Variants in ATXN1 observed in about 807,000 individuals in gnomAD.
ATXN1 encodes the protein ataxin-1.
A neutral mutation model predicts 56.4 loss-of-function variants in ATXN1; 8 were observed. The ratio of observed to expected loss-of-function variants is 0.14; its 90% CI spans 0.08 to 0.26. The LOEUF (loss-of-function observed/expected upper bound fraction) is 0.26, where lower values mean the gene tolerates loss of function less well. Among genes scored for constraint, ATXN1 ranks in the 10% least tolerant of loss-of-function variants. ATXN1 has a pLI of 1.00. For synonymous variants in ATXN1, 514 were observed against 494.6 expected (o/e 1.04, Z -0.52); for missense variants, 987 against 1,106.5 (o/e 0.89, Z 1.53).
At chr6:16,445,722 G>A (rs559427490) in intron 6 of ATXN1, among the ~76,000 whole-genome samples, 23 of 128,368 alleles carry the variant, frequency 1.8e-4, no homozygotes, top group African/African-American at 6.4e-4. Context: ...CCCTTCCTGT[G>A]TCCATGTGTT....
intron 6 of ATXN1, among the ~76,000 whole-genome samples, chr6:16,451,024 A>G (rs968688530): frequency 6.6e-6 from 1 of 152,224 alleles, no homozygotes; most frequent in Non-Finnish European, 1.5e-5. Context: ...TTCCTTGAGA[A>G]TTACTAATCA....
intron 6 of ATXN1, chr6:16,432,519 T>G (rs1006561616): frequency 3.9e-5 from 6 of 152,256 alleles, no homozygotes; most frequent in African/African-American, 1.4e-4. Context: ...AACTATATAA[T>G]TTAAAAGCAT....
intron 2 of ATXN1, among the ~76,000 whole-genome samples, chr6:16,726,083 A>G (rs572806470): frequency 2.6e-4 from 39 of 152,282 alleles, no homozygotes; most frequent in Non-Finnish European, 4.4e-4. Flanking sequence ...TGTGAACTGT[A>G]AGAGGGAGGG....
At chr6:16,473,538 A>C (rs1329995612) in intron 6 of ATXN1, among the ~76,000 whole-genome samples, 1 of 152,162 alleles carries the variant, frequency 6.6e-6, no homozygotes, top group Non-Finnish European at 1.5e-5. Flanking sequence ...AAAGGGAAAA[A>C]CATGTTGGAA....
chr6:16,728,535 C>T (rs749993062), intron 2 of ATXN1, among the ~76,000 whole-genome samples: 10 of 152,324 alleles, frequency 6.6e-5, no homozygotes, highest in South Asian at 4.1e-4. Flanking sequence ...CTCCACTACA[C>T]GCCATCACCC....
In ATXN1 at chr6:16,302,549, C is replaced by T. The variant is rs888008321; in HGVS notation, c.*3780G>A. 5.2e-5 allele frequency: 8 copies of T among 152,536 alleles called. No individual in the cohort carries two copies. Among genetic ancestry groups the T allele is most frequent in the African/African-American group, 1.9e-4 (8 of 41,414 alleles). The allele number at this position is 152,536 out of a possible 1,614,324, so 9.4% of individuals were successfully genotyped here. On this transcript the variant is annotated 3_prime_UTR_variant, in exon 8 of 8. Coordinates refer to ENST00000436367, the MANE Select transcript of ATXN1 (RefSeq NM_001128164.2). ...TGTATCCCTCCCTCCCCCCTCTGCC[C>T]CAGTGTGGCCCAGACAAACTGAAAT...
intron 5 of ATXN1, among the ~76,000 whole-genome samples, chr6:16,492,813 C>T (rs1760695708): frequency 6.6e-6 from 1 of 152,058 alleles, no homozygotes; most frequent in South Asian, 2.1e-4. Context: ...GTATCCTGGT[C>T]CCTGGTATCT....
intron 6 of ATXN1, among the ~76,000 whole-genome samples, chr6:16,343,426 C>T (rs1422227875): frequency 5.9e-5 from 9 of 152,122 alleles, no homozygotes; most frequent in Admixed American, 4.6e-4. Flanking sequence ...CACAGCGCCC[C>T]GCTCCCTCAT....
chr6:16,646,303 C>T (rs1169512154), intron 3 of ATXN1, among the ~76,000 whole-genome samples: 1 of 152,134 alleles, frequency 6.6e-6, no homozygotes, highest in Admixed American at 6.5e-5. Flanking sequence ...TGATCATGAC[C>T]CTCTCCTATT....
At chr6:16,317,333 C>CT (rs907548405) in intron 7 of ATXN1, among the ~76,000 whole-genome samples, 30 of 150,506 alleles carry the variant, frequency 2.0e-4, no homozygotes, top group East Asian at 3.9e-4. Context: ...TTCTTTCTTT[C>CT]TTTTTTTTTG....
At position 16,514,605 on chromosome 6, in the gene ATXN1, G is replaced by A. The variant is rs965674100; in HGVS notation, c.-299+8022C>T. Among the ~76,000 whole-genome samples, 4 of 152,142 alleles carry A rather than the reference G, an allele frequency of 2.6e-5. No individual in the cohort carries two copies. The South Asian group carries it at 8.3e-4, about 32-fold the overall frequency. On this transcript the variant is annotated intron_variant, in intron 5 of 7. Coordinates refer to ENST00000436367, the MANE Select transcript of ATXN1 (RefSeq NM_001128164.2). ...CCTAAACCTTGGGGAGGGAGGGCTC[G>A]AAGGAAGGGAGGTGGGGTTAAGGCA...
At chr6:16,336,578 G>A (rs1210478412) in intron 6 of ATXN1, among the ~76,000 whole-genome samples, 4 of 152,162 alleles carry the variant, frequency 2.6e-5, no homozygotes, top group African/African-American at 4.8e-5. Context: ...GGAGCCTCTG[G>A]CACAGGTCGG....
chr6:16,710,245 A>G (rs1237890188), intron 2 of ATXN1, among the ~76,000 whole-genome samples: 2 of 152,260 alleles, frequency 1.3e-5, no homozygotes, highest in Non-Finnish European at 2.9e-5. Flanking sequence ...AATTTTACCA[A>G]AGATATGCAA....
intron 6 of ATXN1, among the ~76,000 whole-genome samples, chr6:16,329,180 C>T (rs1760921421): frequency 6.6e-6 from 1 of 152,070 alleles, no homozygotes; most frequent in African/African-American, 2.4e-5. Flanking sequence ...TCTCACCTCT[C>T]CTTTGCCTGG....
At chr6:16,747,890 G>A (rs1277906592) in intron 2 of ATXN1, among the ~76,000 whole-genome samples, 2 of 152,188 alleles carry the variant, frequency 1.3e-5, no homozygotes, top group Admixed American at 6.5e-5. Context: ...TGACTAAAGC[G>A]TGACCTCCTT....
At position 16,613,480 on chromosome 6, in the gene ATXN1, G is replaced by T. The variant is rs959712447; in HGVS notation, c.-488-27573C>A. 2.0e-5 allele frequency among the ~76,000 whole-genome samples: 3 copies of T among 151,898 alleles called. No homozygotes were observed. In the South Asian group the frequency reaches 6.2e-4, roughly 32 times the overall value. On this transcript the variant is annotated intron_variant, in intron 3 of 7. Coordinates refer to ENST00000436367, the MANE Select transcript of ATXN1 (RefSeq NM_001128164.2). Reference sequence around the variant, plus strand: ...AGTGGAATAAATTCACAAATATTGAGAATGTTTTAAATTTTTAAAATATGT... The same window carrying T: ...AGTGGAATAAATTCACAAATATTGATAATGTTTTAAATTTTTAAAATATGT...
At chr6:16,647,166 G>A (rs1027520292) in intron 3 of ATXN1, among the ~76,000 whole-genome samples, 10 of 151,966 alleles carry the variant, frequency 6.6e-5, no homozygotes, top group South Asian at 2.1e-4. Flanking sequence ...CACCACGCCC[G>A]GCTAATTTTT....
intron 2 of ATXN1, among the ~76,000 whole-genome samples, chr6:16,673,698 C>T (rs1220368638): frequency 3.3e-5 from 5 of 152,138 alleles, no homozygotes; most frequent in African/African-American, 1.2e-4. Context: ...GCTGCCCAGG[C>T]TGGAGTGTAG....
At chr6:16,332,521 G>A (rs555498175) in intron 6 of ATXN1, among the ~76,000 whole-genome samples, 1 of 152,298 alleles carries the variant, frequency 6.6e-6, no homozygotes, top group South Asian at 2.1e-4. Context: ...GGACCCCCGA[G>A]GAGTTTATCT....
Sources: gnomAD v4.1 joint callset for allele counts (sites outside exome capture counted in the v4.1 genomes callset) on GRCh38, gnomAD v4.1.1 for gene constraint, MANE v1.5 for transcripts, NCBI Gene and HGNC (gene_info 2026-07-23, HGNC 2026-07-21) for gene names.